ABCA9: variants seen among roughly 807,000 people sequenced by gnomAD.
ABCA9 encodes ATP binding cassette subfamily A member 9, also known as ATP-binding cassette sub-family A member 9.
ABCA9 carries 183 observed loss-of-function variants against 205.3 expected under a neutral mutation model. The observed-to-expected ratio is 0.89, with a 90% CI of 0.79 to 1.01. The LOEUF is 1.01. Ranked by LOEUF, ABCA9 falls within the 50% of genes least tolerant of loss-of-function variation. The probability of loss-of-function intolerance (pLI) is 0.00; values close to 1 mark genes in which losing one functional copy is unlikely to be tolerated. For missense variants in ABCA9, 1,805 were observed against 1,912.4 expected, an observed-to-expected ratio of 0.94 and a Z score of 1.05; for synonymous variants, 651 against 683.3, an observed-to-expected ratio of 0.95 and a Z score of 0.74.
At chr17:69,001,867 T>G (rs1360201644) in intron 25 of ABCA9, among the ~76,000 whole-genome samples, 1 of 152,100 alleles carries the variant, frequency 6.6e-6, no homozygotes, top group Non-Finnish European at 1.5e-5. Flanking sequence ...TGTCAAGGAA[T>G]TTATCCATTT....
At chr17:69,068,987 G>A in the ABCA9 span, among the ~76,000 whole-genome samples, 1 of 152,144 alleles carries the variant, frequency 6.6e-6, no homozygotes, top group Non-Finnish European at 1.5e-5. Context: ...GCATTCTTCA[G>A]TAAGGTAGCC....
rs747094680 is a variant in ABCA9, at chr17:69,035,813, A to T, written c.801-12T>A. On this transcript the variant is annotated splice_polypyrimidine_tract_variant and intron_variant, in intron 6 of 38. Transcript: ENST00000340001. ...AACCCCAGGAAAGCCTAGCAGAGAA[A>T]CAAAGCCGTCAGTTAGAATGTTGTT... The T allele has an allele frequency of 1.2e-6, 2 of 1,607,076 alleles. No individual in the cohort carries two copies. The highest frequency in any genetic ancestry group is 2.2e-5 in the South Asian group (2 of 90,176).
At chr17:68,984,684 G>T (rs947407611) in intron 34 of ABCA9, among the ~76,000 whole-genome samples, 1 of 152,100 alleles carries the variant, frequency 6.6e-6, no homozygotes, top group South Asian at 2.1e-4. Context: ...AAAATTATTC[G>T]AGCAAATATT....
Position 69,043,489 on chromosome 17 carries a change from C to T in ABCA9, c.800G>A (p.Trp267Ter), listed in dbSNP as rs1424409933. The change falls in exon 6 of 39, where the codon TGG (tryptophan) becomes TAG (stop). Residue 267 changes from tryptophan (W) to a stop codon, truncating the protein, a stop_gained and splice_region_variant. Coordinates refer to ENST00000340001, the MANE Select transcript of ABCA9 (RefSeq NM_080283.4). LOFTEE classifies it high-confidence loss of function. ...TMMGLRESAF[W>*]LSWGLMYAGF... Reference sequence around the variant, plus strand: ...AATGGATTGGAGTCATATGATTTACCAGAATGCTGACTCTCGGAGTCCCAT... The same window carrying T: ...AATGGATTGGAGTCATATGATTTACTAGAATGCTGACTCTCGGAGTCCCAT... 6 of 1,574,546 alleles carry T rather than the reference C, an allele frequency of 3.8e-6. No individual in the cohort carries two copies. The highest frequency in any genetic ancestry group is 4.3e-6 in the Non-Finnish European group (5 of 1,159,188).
intron 6 of ABCA9, among the ~76,000 whole-genome samples, chr17:69,041,047 GA>G (rs1414879469): frequency 6.6e-6 from 1 of 152,082 alleles, no homozygotes; most frequent in East Asian, 1.9e-4. Flanking sequence ...TTTTCTGGTG[GA>G]AAACAGGAAA....
chr17:69,063,708 A>G (rs9889384), upstream of ABCA9, among the ~76,000 whole-genome samples: 131,684 of 152,056 alleles, frequency 0.87, 58,104 homozygotes, highest in East Asian at 1. Flanking sequence ...AAGTAGCTGG[A>G]ACTACAGGCG....
the ABCA9 span, among the ~76,000 whole-genome samples, chr17:69,071,930 C>T: frequency 3.1e-4 from 47 of 152,184 alleles, no homozygotes; most frequent in African/African-American, 1.1e-3. Context: ...AAACACAGCA[C>T]GAGAACTTTG....
the ABCA9 span, among the ~76,000 whole-genome samples, chr17:69,074,401 C>G: frequency 6.6e-6 from 1 of 152,046 alleles, no homozygotes; most frequent in Non-Finnish European, 1.5e-5. Context: ...TCCTTGCCTC[C>G]CTCCCTCGTC....
chr17:69,003,644 C>T (rs2069979652), intron 25 of ABCA9, among the ~76,000 whole-genome samples: 1 of 148,306 alleles, frequency 6.7e-6, no homozygotes, highest in South Asian at 2.2e-4. Flanking sequence ...CTCTGTATTT[C>T]CTGAATCTGA....
At chr17:68,992,525 A>G (rs1984722) in intron 27 of ABCA9, 33,879 of 264,858 alleles carry the variant, frequency 0.13, 7,409 homozygotes, top group African/African-American at 0.56. Flanking sequence ...TAAAGATAGG[A>G]GTCCAGGGCC....
rs967840095 is a variant in ABCA9 at position 69,035,725 on chromosome 17, G to T, written c.877C>A (p.Gln293Lys). Reference protein sequence around the residue: ...TLMALIVKSAQIVVLTGFVMV... With the variant: ...TLMALIVKSAKIVVLTGFVMV... ...ACAAAACCAGTCAGGACGACAATTT[G>T]TGCAGATTTTACAATAAGAGCCATT... is the stretch of plus-strand genomic sequence containing the variant. Residue 293 changes from glutamine to lysine, a missense_variant, in exon 7 of 39, where the codon CAA becomes AAA. Gln to Lys is a moderately conservative substitution (Grantham distance 53). Coordinates refer to ENST00000340001, the MANE Select transcript of ABCA9 (RefSeq NM_080283.4). 8 of 1,613,512 alleles carry T rather than the reference G, an allele frequency of 5.0e-6. No homozygotes were observed. Among genetic ancestry groups the T allele is most frequent in the Non-Finnish European group, 6.8e-6 (8 of 1,179,812 alleles).
chr17:69,078,934 T>C, the ABCA9 span: 2 of 1,291,072 alleles, frequency 1.5e-6, no homozygotes, highest in South Asian at 2.6e-5. Flanking sequence ...AAAACATGAG[T>C]TTATAGGAGA....
At chr17:69,048,941 T>C (rs1220347669) in intron 3 of ABCA9, among the ~76,000 whole-genome samples, 1 of 152,210 alleles carries the variant, frequency 6.6e-6, no homozygotes, top group Non-Finnish European at 1.5e-5. Flanking sequence ...GTTTTCAAAA[T>C]GATGTATAGT....
chr17:69,078,115 G>C, the ABCA9 span, among the ~76,000 whole-genome samples: 56 of 151,840 alleles, frequency 3.7e-4, no homozygotes, highest in African/African-American at 1.1e-3. Context: ...ATTTTCAAAA[G>C]GTATAATGGA....
chr17:69,072,112 A>G, the ABCA9 span, among the ~76,000 whole-genome samples: 13 of 152,324 alleles, frequency 8.5e-5, no homozygotes, highest in African/African-American at 2.9e-4. Context: ...GACCAAACCT[A>G]CATTTTATTG....
chr17:69,028,771 A>G (rs930415091), intron 11 of ABCA9, 126 bp from the exon 12 acceptor site: 1 of 490,476 alleles, frequency 2.0e-6, no homozygotes, highest in Non-Finnish European at 3.4e-6. Context: ...AATTCATCTT[A>G]AAATTCTTTC....
chr17:69,067,120 C>T, the ABCA9 span, among the ~76,000 whole-genome samples: 2 of 151,698 alleles, frequency 1.3e-5, no homozygotes. Flanking sequence ...AGCACCAATA[C>T]AAAAATAGCA....
chr17:69,006,361 A>G (rs2144163511), intron 25 of ABCA9, among the ~76,000 whole-genome samples: 1 of 152,366 alleles, frequency 6.6e-6, no homozygotes, highest in South Asian at 2.1e-4. Context: ...AGTGTTATTT[A>G]TAGCAGTTCA....
intron 31 of ABCA9, among the ~76,000 whole-genome samples, chr17:68,987,766 G>GT (rs1360280784): frequency 0.072 from 7,029 of 97,670 alleles, 445 homozygotes; most frequent in African/African-American, 0.15. Context: ...TTGTTTGTTT[G>GT]TTTTTTTGTT....
Sources: gnomAD v4.1 joint callset for allele counts (sites outside exome capture counted in the v4.1 genomes callset) on GRCh38, gnomAD v4.1.1 for gene constraint, MANE v1.5 for transcripts, NCBI Gene and HGNC (gene_info 2026-07-23, HGNC 2026-07-21) for gene names.